EIF5A2: variants seen among roughly 807,000 people sequenced by gnomAD.
The protein encoded by EIF5A2 is eukaryotic translation initiation factor 5A-2.
Under a neutral mutation model 16.4 loss-of-function variants are expected in EIF5A2, and 15 were observed. The ratio of observed to expected loss-of-function variants is 0.92; its 90% CI spans 0.61 to 1.41. The LOEUF (loss-of-function observed/expected upper bound fraction) is 1.41. Ranked by LOEUF, EIF5A2 falls within the 40% of genes most tolerant of loss-of-function variation. The pLI, the probability that EIF5A2 is intolerant of heterozygous loss-of-function variation, is 0.00. For missense variants in EIF5A2, 144 were observed against 189.5 expected (o/e 0.76, Z 1.41); for synonymous variants, 48 against 61.1 (o/e 0.79, Z 1.00).
rs148760626 is a variant in EIF5A2, at chr3:170,896,387, C to T, written c.271-1964G>A. Among the ~76,000 whole-genome samples the T allele has an allele frequency of 2.2e-3, 333 of 152,250 alleles. 3 individuals are homozygous for T. Among genetic ancestry groups the T allele is most frequent in the African/African-American group, 7.7e-3 (318 of 41,542 alleles). On this transcript the variant is annotated intron_variant, in intron 3 of 4. Coordinates refer to ENST00000295822, the MANE Select transcript of EIF5A2 (RefSeq NM_020390.6). ...ATTTAATCTTTGATATGGTTTGGCT[C>T]TGTGTCCCCACCCAAATCTCATCTT...
In EIF5A2 at chr3:170,894,348, C is replaced by G. The variant is rs1260498014; in HGVS notation, c.346G>C (p.Glu116Gln). Reference protein sequence around the residue: ...GEVREDLKLPEGELGKEIEGK... With the variant: ...GEVREDLKLPQGELGKEIEGK... The stretch of plus-strand genomic sequence containing the variant: ...TCTATTTCTTTGCCTAGTTCACCTT[C>G]TGGCAGTTTAAGATCCTCACGAACT... Residue 116 changes from glutamate to glutamine, a missense_variant, in exon 4 of 5, where the codon GAA (glutamate) becomes CAA (glutamine). Transcript: ENST00000295822. 1 of 1,614,012 alleles carries G rather than the reference C, an allele frequency of 6.2e-7. No homozygotes were observed. Among genetic ancestry groups the G allele is most frequent in the Non-Finnish European group, 8.5e-7 (1 of 1,179,972 alleles).
At position 170,907,755 on chromosome 3, in the gene EIF5A2, A is replaced by C. The variant is rs1215989702; in HGVS notation, c.52T>G (p.Tyr18Asp). The stretch of plus-strand genomic sequence containing the variant: ...CGCAAGGCCGAGCACTGCATAGGGT[A>C]AGTGCTGGAAGCCCCGGCATCTCCA... ...TTGDAGASSTYPMQCSALRKN... is the reference protein window; with the variant it reads ...TTGDAGASSTDPMQCSALRKN... The change falls in exon 2 of 5, where the codon TAC becomes GAC. Residue 18 changes from tyrosine (Y) to aspartate (D), a missense_variant. Tyr to Asp is a radical substitution (Grantham distance 160, BLOSUM62 -3). Coordinates refer to ENST00000295822, the MANE Select transcript of EIF5A2 (RefSeq NM_020390.6). 3 of 1,588,320 alleles carry C rather than the reference A, an allele frequency of 1.9e-6. No homozygotes were observed. Among genetic ancestry groups the C allele is most frequent in the South Asian group, 1.1e-5 (1 of 89,300 alleles).
At position 170,892,831 on chromosome 3, in the gene EIF5A2, T is replaced by C. The variant is rs546732679; in HGVS notation, c.*529A>G. ...TGACCAAAGTAATCACATGGTTGCA[T>C]GTGGCCACCAAAATAACTGACAGTT... On this transcript the variant is annotated 3_prime_UTR_variant, in exon 5 of 5. Coordinates refer to ENST00000295822, the MANE Select transcript of EIF5A2 (RefSeq NM_020390.6). 1 of 399,058 alleles carries C rather than the reference T, an allele frequency of 2.5e-6. No homozygotes were observed. The highest frequency in any genetic ancestry group is 2.1e-5 in the African/African-American group (1 of 48,756). 24.7% of individuals were successfully genotyped at this position (399,058 alleles called of 1,614,324 possible).
rs140613786 is a variant in EIF5A2, at chr3:170,904,552, G to A, written c.270+2437C>T. Among the ~76,000 whole-genome samples the A allele has an allele frequency of 4.2e-3, 635 of 152,218 alleles. 6 individuals carry two copies. Among genetic ancestry groups the A allele is most frequent in the African/African-American group, 0.014 (600 of 41,518 alleles). ...TCTGTCGCCCAGGCTAGAGTGCAGT[G>A]GAGTGATCACAGCTTAGTGCAGCCT... On this transcript the variant is annotated intron_variant, in intron 3 of 4. Coordinates refer to ENST00000295822, the MANE Select transcript of EIF5A2 (RefSeq NM_020390.6).
intron 3 of EIF5A2, among the ~76,000 whole-genome samples, chr3:170,900,208 T>C (rs1712775753): frequency 6.6e-6 from 1 of 151,532 alleles, no homozygotes; most frequent in Admixed American, 6.6e-5. Context: ...TCGTCTCTAC[T>C]AAAAATACAA....
At chr3:170,898,919 A>C (rs1353643821) in intron 3 of EIF5A2, among the ~76,000 whole-genome samples, 1 of 151,974 alleles carries the variant, frequency 6.6e-6, no homozygotes, top group East Asian at 1.9e-4. Context: ...TTCAGCAATA[A>C]ATACTTCAGT....
At chr3:170,894,203 C>T (rs765930640) in intron 4 of EIF5A2, 89 bp downstream of exon 4, 6 of 1,402,730 alleles carry the variant, frequency 4.3e-6, no homozygotes, top group Non-Finnish European at 5.9e-6. Context: ...TTTTAAACCA[C>T]ATTCCATATG....
intron 3 of EIF5A2, among the ~76,000 whole-genome samples, chr3:170,902,399 T>A (rs76561128): frequency 2.6e-5 from 2 of 75,804 alleles, no homozygotes; most frequent in Non-Finnish European, 4.9e-5. Flanking sequence ...CCATTCAGCC[T>A]TTTTTTTTTT....
chr3:170,906,346 C>A (rs1331412475), intron 3 of EIF5A2, among the ~76,000 whole-genome samples: 2 of 152,098 alleles, frequency 1.3e-5, no homozygotes, highest in African/African-American at 4.8e-5. Context: ...ATATGACCTA[C>A]CCAAATGTAT....
Position 170,907,741 on chromosome 3 carries a change from G to A in EIF5A2, c.66C>T (p.Cys22=). 6.2e-7 allele frequency: 1 copy of A among 1,608,164 alleles called. No individual in the cohort carries two copies. Among genetic ancestry groups the A allele is most frequent in the African/African-American group, 1.3e-5 (1 of 74,962 alleles). The part of the protein sequence containing the change: ...AGASSTYPMQ[C]SALRKNGFVV... ...CGAAGCCGTTTTTGCGCAAGGCCGA[G>A]CACTGCATAGGGTAAGTGCTGGAAG... is the stretch of plus-strand genomic sequence containing the variant. Residue 22 remains cysteine (C), a synonymous_variant, in exon 2 of 5, where the codon TGC becomes TGT. Coordinates refer to ENST00000295822, the MANE Select transcript of EIF5A2 (RefSeq NM_020390.6).
In EIF5A2 at chr3:170,892,428, C is replaced by CAAAAAAAA. The variant is rs34403814; in HGVS notation, c.*924_*931dup. The CAAAAAAAA allele has an allele frequency of 1.2e-5, 1 of 81,702 alleles. No individual in the cohort carries two copies. The highest frequency in any genetic ancestry group is 4.4e-5 in the African/African-American group (1 of 22,666). 5.1% of individuals were successfully genotyped at this position (81,702 alleles called of 1,614,324 possible). A position where few individuals can be genotyped will look rare whatever the true frequency, so the allele number is the denominator to read the frequency against. On this transcript the variant is annotated 3_prime_UTR_variant, in exon 5 of 5. Coordinates refer to ENST00000295822, the MANE Select transcript of EIF5A2 (RefSeq NM_020390.6). ...TGGCTGATGGAGTGAGACTCAGTCT[C>CAAAAAAAA]AAAAAAAAAAAAAAAAAAAAGGAAG...
chr3:170,897,244 A>C (rs1259403688), intron 3 of EIF5A2, among the ~76,000 whole-genome samples: 1 of 152,240 alleles, frequency 6.6e-6, no homozygotes, highest in Non-Finnish European at 1.5e-5. Flanking sequence ...AGTAGAAAAG[A>C]AAAACCCATT....
At position 170,894,367 on chromosome 3, in the gene EIF5A2, A is replaced by G; in HGVS notation, c.327T>C (p.Arg109=). The part of the protein sequence containing the change: ...LSLLTETGEV[R]EDLKLPEGEL... ...CACCTTCTGGCAGTTTAAGATCCTCACGAACTTCACCAGTTTCTGTCAGCA... is the reference window on the plus strand; with the variant it reads ...CACCTTCTGGCAGTTTAAGATCCTCGCGAACTTCACCAGTTTCTGTCAGCA... The change falls in exon 4 of 5, where the codon CGT becomes CGC. Residue 109 remains arginine (R), a synonymous_variant. Transcript: ENST00000295822. 6.2e-7 allele frequency: 1 copy of G among 1,614,018 alleles called. No homozygotes were observed. Among genetic ancestry groups the G allele is most frequent in the Non-Finnish European group, 8.5e-7 (1 of 1,179,972 alleles).
rs949683977 is a variant in EIF5A2 at position 170,892,811 on chromosome 3, A to C, written c.*549T>G. On this transcript the variant is annotated 3_prime_UTR_variant, in exon 5 of 5. Transcript: ENST00000295822. ...CAACAATTTGGTAAATAGTATGACC[A>C]AAGTAATCACATGGTTGCATGTGGC... 5 of 398,924 alleles carry C rather than the reference A, an allele frequency of 1.3e-5. No individual in the cohort carries two copies. The highest frequency in any genetic ancestry group is 2.2e-5 in the Non-Finnish European group (5 of 226,184). The allele number at this position is 398,924 out of a possible 1,614,324, so 24.7% of individuals were successfully genotyped here. A position where few individuals can be genotyped will look rare whatever the true frequency, so the allele number is the denominator to read the frequency against.
chr3:170,894,159 G>T (rs1712606775), intron 4 of EIF5A2, 133 bp downstream of exon 4: 3 of 1,016,252 alleles, frequency 3.0e-6, no homozygotes, highest in Non-Finnish European at 4.2e-6. Flanking sequence ...TGGAAAACCT[G>T]CCTGAGAGAT....
rs1576785975 is a variant in EIF5A2 at position 170,894,212 on chromosome 3, T to C, written c.402+80A>G. On this transcript the variant is annotated intron_variant, in intron 4 of 4. Coordinates refer to ENST00000295822, the MANE Select transcript of EIF5A2 (RefSeq NM_020390.6). ...CAGTATTTTTAAACCACATTCCATA[T>C]GTAGTATTTTATGTTAACTAGTTGA... 16 of 1,445,892 alleles carry C rather than the reference T, an allele frequency of 1.1e-5. No individual in the cohort carries two copies. The East Asian group carries it at 2.8e-4, about 25-fold the overall frequency. 89.6% of individuals were successfully genotyped at this position (1,445,892 alleles called of 1,614,324 possible). A position where few individuals can be genotyped will look rare whatever the true frequency, so the allele number is the denominator to read the frequency against.
Position 170,888,923 on chromosome 3 carries a change from C to T in EIF5A2, c.*4437G>A, listed in dbSNP as rs1334472277. 1 of 152,140 alleles carries T rather than the reference C, an allele frequency of 6.6e-6. No individual in the cohort carries two copies. Among genetic ancestry groups the T allele is most frequent in the Non-Finnish European group, 1.5e-5 (1 of 67,980 alleles). The allele number at this position is 152,140 out of a possible 1,614,324, so 9.4% of individuals were successfully genotyped here. On this transcript the variant is annotated 3_prime_UTR_variant, in exon 5 of 5. Coordinates refer to ENST00000295822, the MANE Select transcript of EIF5A2 (RefSeq NM_020390.6). ...GATCACAACTATGATGTGTGACAAG[C>T]TGTTCGGTCATTGCTGAAAATAGTC...
chr3:170,897,611 T>C (rs1712705136), intron 3 of EIF5A2, among the ~76,000 whole-genome samples: 1 of 151,978 alleles, frequency 6.6e-6, no homozygotes, highest in African/African-American at 2.4e-5. Flanking sequence ...AAGGCAAGAG[T>C]TGAGGTTTGG....
intron 4 of EIF5A2, among the ~76,000 whole-genome samples, chr3:170,893,759 G>A (rs951782990): frequency 5.3e-5 from 8 of 152,308 alleles, no homozygotes; most frequent in African/African-American, 1.9e-4. Flanking sequence ...AGGGCTGGGC[G>A]CCTTGCTCAG....
Sources: gnomAD v4.1 joint callset for allele counts (sites outside exome capture counted in the v4.1 genomes callset) on GRCh38, gnomAD v4.1.1 for gene constraint, MANE v1.5 for transcripts, NCBI Gene and HGNC (gene_info 2026-07-23, HGNC 2026-07-21) for gene names.